The following LAMA3 variants were observed in gnomAD, a reference collection of about 807,000 sequenced individuals.
The protein encoded by LAMA3 is laminin subunit alpha-3.
A neutral mutation model predicts 402.0 loss-of-function variants in LAMA3; 281 were observed. The observed-to-expected ratio is 0.70, with a 90% CI of 0.63 to 0.77. The LOEUF is 0.77. Among genes scored for constraint, LAMA3 ranks in the 30% least tolerant of loss-of-function variants. The probability of loss-of-function intolerance (pLI) is 0.00; values close to 1 mark genes in which losing one functional copy is unlikely to be tolerated. For synonymous variants in LAMA3, 1,431 were observed against 1,558.4 expected, an observed-to-expected ratio of 0.92 and a Z score of 1.93; for missense variants, 3,840 against 4,215.5, an observed-to-expected ratio of 0.91 and a Z score of 2.47.
At chr18:23,857,096 G>A (rs1568262642) in intron 32 of LAMA3, among the ~76,000 whole-genome samples, 1 of 152,214 alleles carries the variant, frequency 6.6e-6, no homozygotes, top group Non-Finnish European at 1.5e-5. Context: ...AATCCCAGGA[G>A]GCAGCAGCTA....
Position 23,689,909 on chromosome 18 carries a change from C to G in LAMA3, c.226C>G (p.Pro76Ala). ...CGERGPGEGR[P>A]QPELYCKLVG... Reference sequence around the variant, plus strand: ...GGAGAGGGGACCCGGCGAGGGGAGGCCCCAGCCCGAGCTCTACTGCAAGTT... The same window carrying G: ...GGAGAGGGGACCCGGCGAGGGGAGGGCCCAGCCCGAGCTCTACTGCAAGTT... Residue 76 changes from proline to alanine, a missense_variant, in exon 1 of 75, where the codon CCC (proline) becomes GCC (alanine). By Grantham distance (27) the Pro-to-Ala change is conservative. This residue lies in a region of LAMA3 where 2,109 missense variants were observed against 2,376.0 expected (regional missense o/e 0.89). Transcript: ENST00000313654. 4.6e-6 allele frequency: 7 copies of G among 1,534,162 alleles called. No homozygotes were observed. Among genetic ancestry groups the G allele is most frequent in the Non-Finnish European group, 6.1e-6 (7 of 1,140,570 alleles).
At chr18:23,942,478 A>G (rs2082557233) in intron 68 of LAMA3, among the ~76,000 whole-genome samples, 1 of 152,082 alleles carries the variant, frequency 6.6e-6, no homozygotes, top group South Asian at 2.1e-4. Flanking sequence ...TGATGGGTGG[A>G]TGGATGGATG....
intron 65 of LAMA3, among the ~76,000 whole-genome samples, chr18:23,931,919 C>G (rs1028899004): frequency 3.9e-5 from 6 of 152,244 alleles, no homozygotes; most frequent in Non-Finnish European, 7.3e-5. Flanking sequence ...ACATGAGGCT[C>G]TCATAACACA....
intron 12 of LAMA3, among the ~76,000 whole-genome samples, chr18:23,785,487 C>G (rs530131182): frequency 5.3e-5 from 8 of 152,284 alleles, no homozygotes; most frequent in Admixed American, 5.2e-4. Flanking sequence ...AAAAATAGTG[C>G]CTGTCTCATA....
At chr18:23,928,788 C>T (rs572231049) in intron 64 of LAMA3, 23 bp downstream of exon 64, 29 of 1,604,482 alleles carry the variant, frequency 1.8e-5, no homozygotes, top group Non-Finnish European at 2.4e-5. Flanking sequence ...GCATTAATAT[C>T]AAACAAGATT....
intron 62 of LAMA3, among the ~76,000 whole-genome samples, chr18:23,923,443 A>T (rs552516641): frequency 3.3e-5 from 5 of 152,208 alleles, no homozygotes; most frequent in Non-Finnish European, 7.3e-5. Context: ...AGGATGGTGA[A>T]TGGGCAGCAC....
intron 2 of LAMA3, among the ~76,000 whole-genome samples, chr18:23,725,146 G>C (rs561529521): frequency 2.1e-5 from 3 of 144,744 alleles, no homozygotes; most frequent in African/African-American, 7.8e-5. Context: ...GTCTTGCTTT[G>C]TCACCCAGGC....
intron 62 of LAMA3, 99 bp from the exon 63 acceptor site, chr18:23,928,024 T>A: frequency 1.2e-6 from 1 of 851,312 alleles, no homozygotes; most frequent in Non-Finnish European, 2.1e-6. Flanking sequence ...CACCTACTCA[T>A]TTATGGGTGA....
rs2064514554 is a variant in LAMA3 at position 23,871,433 on chromosome 18, A to C, written c.4770A>C (p.Gly1590=). ...LHHGRVHVVE[G]NFRHASSRAP... ...TGACTTTCTGTTTCCATGTGTAGGGAAACTTCAGACATGCCAGCAGCCGTG... is the reference window on the plus strand; with the variant it reads ...TGACTTTCTGTTTCCATGTGTAGGGCAACTTCAGACATGCCAGCAGCCGTG... The change falls in exon 38 of 75, where the codon GGA becomes GGC. Residue 1590 remains glycine, a splice_region_variant and synonymous_variant. Coordinates refer to ENST00000313654, the MANE Select transcript of LAMA3 (RefSeq NM_198129.4). 1 of 1,613,950 alleles carries C rather than the reference A, an allele frequency of 6.2e-7. No homozygotes were observed. The highest frequency in any genetic ancestry group is 1.7e-5 in the Admixed American group (1 of 59,998).
intron 12 of LAMA3, among the ~76,000 whole-genome samples, chr18:23,799,559 G>A (rs2062829820): frequency 6.6e-6 from 1 of 152,188 alleles, no homozygotes; most frequent in Non-Finnish European, 1.5e-5. Context: ...GCCAGTGTCT[G>A]TGTCACCCAC....
chr18:23,904,463 A>T, intron 50 of LAMA3, 90 bp from the exon 51 acceptor site: 2 of 1,347,914 alleles, frequency 1.5e-6, no homozygotes, highest in South Asian at 1.4e-5. Flanking sequence ...AGAAAGAAAA[A>T]ATAAAAAGAA....
intron 27 of LAMA3, among the ~76,000 whole-genome samples, chr18:23,840,381 CTTTTTTT>C (rs1303915333): frequency 7.1e-5 from 2 of 28,302 alleles, no homozygotes; most frequent in Non-Finnish European, 1.5e-4. Flanking sequence ...ACCTTTCTTT[CTTTTTTT>C]TTTTTTTTTT....
In LAMA3 at chr18:23,935,308, G is replaced by A. The variant is rs556721635; in HGVS notation, c.8862+1373G>A. 6.6e-5 allele frequency among the ~76,000 whole-genome samples: 10 copies of A among 152,360 alleles called. No individual in the cohort carries two copies. In the East Asian group the frequency reaches 1.9e-3, roughly 29 times the overall value. On this transcript the variant is annotated intron_variant, in intron 67 of 74. Transcript: ENST00000313654. ...AGGAAAAGAGAATGGAGTTTGTGGT[G>A]TATTGAGTGACAGGAGTCTGCAGGA...
intron 9 of LAMA3, among the ~76,000 whole-genome samples, chr18:23,774,650 G>T (rs555474347): frequency 6.6e-6 from 1 of 152,232 alleles, no homozygotes; most frequent in South Asian, 2.1e-4. Flanking sequence ...TTCAATGCTT[G>T]GTTCTTTTAA....
intron 21 of LAMA3, 28 bp from the exon 22 acceptor site, chr18:23,826,674 G>C (rs2063388400): frequency 2.1e-6 from 3 of 1,421,888 alleles, no homozygotes; most frequent in Non-Finnish European, 2.9e-6. Flanking sequence ...CAAAATGAAT[G>C]ATTCTCCTTT....
chr18:23,842,478 G>A lies in LAMA3; in HGVS notation c.3420G>A (p.Thr1140=), dbSNP rs756024998. 1.7e-5 allele frequency: 28 copies of A among 1,614,064 alleles called. No individual in the cohort carries two copies. The highest frequency in any genetic ancestry group is 3.3e-5 in the South Asian group (3 of 91,080). ...ATTTTTACCAAGCAGCGCACCCGACGTTTCCCGCGCAGGTGTCGGTGGATG... is the reference window on the plus strand; with the variant it reads ...ATTTTTACCAAGCAGCGCACCCGACATTTCCCGCGCAGGTGTCGGTGGATG... ...VIHFYQAAHP[T]FPAQVSVDGG... Residue 1140 remains threonine (T), a synonymous_variant, in exon 28 of 75, where the codon ACG becomes ACA. Coordinates refer to ENST00000313654, the MANE Select transcript of LAMA3 (RefSeq NM_198129.4).
intron 70 of LAMA3, among the ~76,000 whole-genome samples, chr18:23,947,463 G>A (rs1465572073): frequency 6.6e-6 from 1 of 152,120 alleles, no homozygotes; most frequent in African/African-American, 2.4e-5. Flanking sequence ...TCAAATCTGG[G>A]CCTAGAAATG....
At chr18:23,893,291 G>A (rs1185017484) in intron 42 of LAMA3, among the ~76,000 whole-genome samples, 1 of 152,178 alleles carries the variant, frequency 6.6e-6, no homozygotes, top group Non-Finnish European at 1.5e-5. Flanking sequence ...AGAATGCATG[G>A]CATGGGGAAA....
At chr18:23,829,988 G>T (rs906773415) in intron 23 of LAMA3, among the ~76,000 whole-genome samples, 2 of 152,110 alleles carry the variant, frequency 1.3e-5, no homozygotes, top group African/African-American at 4.8e-5. Flanking sequence ...GCCTCGATCT[G>T]GCCGCTGTCT....
Sources: gnomAD v4.1 joint callset for allele counts (sites outside exome capture counted in the v4.1 genomes callset) on GRCh38, gnomAD v4.1.1 for gene constraint, gnomAD v4.1.1 regional missense constraint, MANE v1.5 for transcripts, NCBI Gene and HGNC (gene_info 2026-07-23, HGNC 2026-07-21) for gene names.